Variants in CADM2 observed in about 807,000 individuals in gnomAD.
The protein encoded by CADM2 is immunoglobulin superfamily member 4D.
CADM2 carries 12 observed loss-of-function variants against 49.8 expected under a neutral mutation model. The ratio of observed to expected loss-of-function variants is 0.24; its 90% CI spans 0.15 to 0.39. The LOEUF is 0.39. Among genes scored for constraint, CADM2 ranks in the 10% least tolerant of loss-of-function variants. The pLI, the probability that CADM2 is intolerant of heterozygous loss-of-function variation, is 1.00. For synonymous variants in CADM2, 214 were observed against 175.4 expected (o/e 1.22, Z -1.74); for missense variants, 378 against 492.3 (o/e 0.77, Z 2.20).
intron 1 of CADM2, among the ~76,000 whole-genome samples, chr3:85,158,547 G>A (rs2040214616): frequency 6.6e-6 from 1 of 152,138 alleles, no homozygotes; most frequent in Non-Finnish European, 1.5e-5. Context: ...GTAGGGACAT[G>A]GATGAAATTG....
chr3:85,442,979 TA>T (rs2037282579), intron 1 of CADM2, among the ~76,000 whole-genome samples: 4 of 152,002 alleles, frequency 2.6e-5, no homozygotes, highest in Admixed American at 2.6e-4. Flanking sequence ...ACAGGTATAC[TA>T]AAAAGTTTTA....
chr3:85,913,674 A>G (rs1475822951), intron 6 of CADM2, among the ~76,000 whole-genome samples: 3 of 152,194 alleles, frequency 2.0e-5, no homozygotes, highest in African/African-American at 7.2e-5. Flanking sequence ...TATCACCAAC[A>G]AACTTCATTT....
Position 85,201,069 on chromosome 3 carries a change from G to A in CADM2, c.61+241401G>A, listed in dbSNP as rs576169101. 9.1e-4 allele frequency among the ~76,000 whole-genome samples: 138 copies of A among 151,988 alleles called. No individual in the cohort carries two copies. The South Asian group carries it at 0.019, about 21-fold the overall frequency. ...AAATATTGTAAGCATCCTCTTATTC[G>A]TCTATATTACTGAAGGTTTTATAAA... On this transcript the variant is annotated intron_variant, in intron 1 of 9. Transcript: ENST00000383699.
At chr3:85,330,686 G>C (rs990961918) in intron 1 of CADM2, among the ~76,000 whole-genome samples, 14 of 151,832 alleles carry the variant, frequency 9.2e-5, no homozygotes, top group Admixed American at 2.0e-4. Context: ...GCCAGGGGCA[G>C]TGGCTCATGC....
At chr3:85,859,675 G>T (rs985821503) in intron 3 of CADM2, among the ~76,000 whole-genome samples, 1 of 152,036 alleles carries the variant, frequency 6.6e-6, no homozygotes, top group Non-Finnish European at 1.5e-5. Flanking sequence ...ATCTAATTTC[G>T]GTCAATACTG....
At chr3:86,000,349 T>C (rs956596673) in intron 8 of CADM2, among the ~76,000 whole-genome samples, 5 of 152,204 alleles carry the variant, frequency 3.3e-5, no homozygotes, top group Admixed American at 1.3e-4. Context: ...GAACTTACCA[T>C]GTTTCCTGAA....
chr3:85,870,304 G>A (rs939694749), intron 3 of CADM2, among the ~76,000 whole-genome samples: 1 of 151,532 alleles, frequency 6.6e-6, no homozygotes, highest in Non-Finnish European at 1.5e-5. Flanking sequence ...TTTGTTATAT[G>A]GGTATACTTG....
intron 1 of CADM2, among the ~76,000 whole-genome samples, chr3:85,249,374 G>C (rs564420548): frequency 6.6e-6 from 1 of 151,744 alleles, no homozygotes; most frequent in African/African-American, 2.4e-5. Context: ...TCTTTTCTCT[G>C]TCCTTTTTTC....
intron 8 of CADM2, among the ~76,000 whole-genome samples, chr3:85,989,076 T>C (rs979777828): frequency 1.3e-5 from 2 of 152,174 alleles, no homozygotes; most frequent in African/African-American, 4.8e-5. Context: ...TCTCTTAAAG[T>C]CATCTTTTAA....
intron 1 of CADM2, among the ~76,000 whole-genome samples, chr3:85,359,655 TATATATATATA>T (rs1350196334): frequency 8.8e-4 from 16 of 18,228 alleles, no homozygotes; most frequent in African/African-American, 1.5e-3. Context: ...TATATATATA[TATATATATATA>T]TTTTTTTTTT....
At chr3:85,528,996 C>A (rs1257381431) in intron 1 of CADM2, among the ~76,000 whole-genome samples, 1 of 152,050 alleles carries the variant, frequency 6.6e-6, no homozygotes, top group Non-Finnish European at 1.5e-5. Flanking sequence ...GAAAACTTTA[C>A]ATGTATCACT....
chr3:85,066,348 C>A (rs1038370192), intron 1 of CADM2, among the ~76,000 whole-genome samples: 8 of 150,726 alleles, frequency 5.3e-5, no homozygotes, highest in African/African-American at 2.0e-4. Flanking sequence ...ATACTGATTC[C>A]CCAACTAGGG....
At chr3:84,984,356 TAAAAAA>T (rs375702349) in intron 1 of CADM2, among the ~76,000 whole-genome samples, 14 of 67,092 alleles carry the variant, frequency 2.1e-4, no homozygotes, top group Admixed American at 7.9e-4. Context: ...AAGATTAAGC[TAAAAAA>T]AAAAAAAAAA....
intron 1 of CADM2, among the ~76,000 whole-genome samples, chr3:85,667,106 A>G (rs1577050377): frequency 6.6e-6 from 1 of 152,122 alleles, no homozygotes; most frequent in Middle Eastern, 3.4e-3. Context: ...ATTTCCTGGT[A>G]AAATCATAAT....
At chr3:85,918,477 A>G (rs189259027) in intron 6 of CADM2, among the ~76,000 whole-genome samples, 225 of 152,228 alleles carry the variant, frequency 1.5e-3, no homozygotes, top group Admixed American at 2.6e-3. Flanking sequence ...CGTATGTTGG[A>G]CCAGCCTTGC....
At chr3:85,916,916 T>C (rs2108492928) in intron 6 of CADM2, among the ~76,000 whole-genome samples, 1 of 152,346 alleles carries the variant, frequency 6.6e-6, no homozygotes, top group South Asian at 2.1e-4. Flanking sequence ...ATTTCTCTGA[T>C]GGCCAGTGAT....
chr3:85,288,032 C>T (rs951764042), intron 1 of CADM2, among the ~76,000 whole-genome samples: 9 of 151,780 alleles, frequency 5.9e-5, no homozygotes, highest in Non-Finnish European at 5.9e-5. Flanking sequence ...ACCAACATGG[C>T]ACATGTATAC....
In CADM2 at chr3:85,359,666, A is replaced by ATATATTTTTTTTTTTT; in HGVS notation, c.62-366855_62-366854insATATTTTTTTTTTTTT. ...TATATATATATATATATATATATATATTTTTTTTTTTGGTGGAGGGGAGAA... is the reference window on the plus strand; with the variant it reads ...TATATATATATATATATATATATATATATATTTTTTTTTTTTTTTTTTTTTTTGGTGGAGGGGAGAA... On this transcript the variant is annotated intron_variant, in intron 1 of 9. Coordinates refer to ENST00000383699, the MANE Select transcript of CADM2 (RefSeq NM_001167675.2). Among the ~76,000 whole-genome samples, 4 of 26,556 alleles carry ATATATTTTTTTTTTTT rather than the reference A, an allele frequency of 1.5e-4. No individual in the cohort carries two copies. In the Admixed American group the frequency reaches 1.7e-3, roughly 11 times the overall value. 17.4% of individuals were successfully genotyped at this position (26,556 alleles called of 152,430 possible). A position where few individuals can be genotyped will look rare whatever the true frequency, so the allele number is the denominator to read the frequency against.
chr3:85,624,155 A>T (rs2064055666), intron 1 of CADM2, among the ~76,000 whole-genome samples: 1 of 152,150 alleles, frequency 6.6e-6, no homozygotes, highest in Admixed American at 6.6e-5. Flanking sequence ...TGTAACAGAT[A>T]TTCATGGTAA....
Sources: allele counts gnomAD v4.1 joint callset (sites outside exome capture counted in the v4.1 genomes callset), GRCh38; gene constraint gnomAD v4.1.1; transcripts MANE v1.5; gene names NCBI Gene and HGNC (gene_info 2026-07-23, HGNC 2026-07-21).